Variants in ERC2 observed in about 807,000 individuals in gnomAD.
ERC2 encodes the protein ELKS/RAB6-interacting/CAST family member 2, also known as ERC protein 2.
A neutral mutation model predicts 114.8 loss-of-function variants in ERC2; 42 were observed. That is an observed-to-expected ratio of 0.37 (90% CI 0.29 to 0.47). The LOEUF is 0.47. Ranked by LOEUF, ERC2 falls within the 20% of genes least tolerant of loss-of-function variation. The pLI, the probability that ERC2 is intolerant of heterozygous loss-of-function variation, is 0.99. For missense variants in ERC2, 939 were observed against 1,150.7 expected (o/e 0.82, Z 2.66); for synonymous variants, 454 against 425.5 (o/e 1.07, Z -0.82).
rs1158633622 is a variant in ERC2, at chr3:55,508,928, T to TAA, written c.*2386_*2387dup. The TAA allele has an allele frequency of 3.3e-5, 5 of 152,590 alleles. No homozygotes were observed. The highest frequency in any genetic ancestry group is 7.3e-5 in the Non-Finnish European group (5 of 68,034). The allele number at this position is 152,590 out of a possible 1,614,324, so 9.5% of individuals were successfully genotyped here. On this transcript the variant is annotated 3_prime_UTR_variant, in exon 18 of 18. Coordinates refer to ENST00000288221, the MANE Select transcript of ERC2 (RefSeq NM_015576.3). ...ATGTTATGATTAGAAGAAAACCTGT[T>TAA]AAAGTTTGCGCAAAGGAAATAGCTT...
intron 10 of ERC2, among the ~76,000 whole-genome samples, chr3:56,005,847 A>G (rs1171560109): frequency 1.3e-5 from 2 of 152,102 alleles, no homozygotes; most frequent in African/African-American, 2.4e-5. Context: ...TCATCCCTTA[A>G]TATGCATATC....
chr3:55,564,667 G>T (rs1464549674), intron 17 of ERC2, among the ~76,000 whole-genome samples: 1 of 152,200 alleles, frequency 6.6e-6, no homozygotes, highest in Non-Finnish European at 1.5e-5. Context: ...ATAGCCATCT[G>T]TCTAAATTCT....
At chr3:56,313,403 C>T (rs904645948) in intron 2 of ERC2, among the ~76,000 whole-genome samples, 7 of 152,046 alleles carry the variant, frequency 4.6e-5, no homozygotes, top group African/African-American at 9.7e-5. Context: ...GAGAGCATTA[C>T]GGATGCCTTC....
chr3:55,628,074 T>C (rs2059592293), intron 17 of ERC2, among the ~76,000 whole-genome samples: 1 of 148,326 alleles, frequency 6.7e-6, no homozygotes, highest in Non-Finnish European at 1.5e-5. Context: ...TAATATCTTT[T>C]ATTGTAAAAA....
chr3:56,234,993 T>C (rs193075872), intron 3 of ERC2, among the ~76,000 whole-genome samples: 70 of 152,272 alleles, frequency 4.6e-4, no homozygotes, highest in African/African-American at 1.7e-3. Context: ...GATACAGACA[T>C]CATGACAAGT....
chr3:55,683,663 T>C, intron 17 of ERC2, 131 bp downstream of exon 17: 1 of 744,400 alleles, frequency 1.3e-6, no homozygotes, highest in South Asian at 1.9e-5. Context: ...GCGGACATTC[T>C]GCGCTCACAG....
intron 2 of ERC2, among the ~76,000 whole-genome samples, chr3:56,337,185 CTA>C (rs1415026316): frequency 2.6e-5 from 4 of 152,168 alleles, no homozygotes; most frequent in Non-Finnish European, 5.9e-5. Flanking sequence ...CCCATTTTTC[CTA>C]TGTTTCTTCC....
chr3:56,008,099 T>G (rs929198424), intron 9 of ERC2, among the ~76,000 whole-genome samples: 15 of 152,158 alleles, frequency 9.9e-5, no homozygotes, highest in African/African-American at 3.6e-4. Context: ...AATAGCAACA[T>G]CTAACTATGT....
chr3:55,569,510 G>A (rs2056580431), intron 17 of ERC2, among the ~76,000 whole-genome samples: 1 of 152,124 alleles, frequency 6.6e-6, no homozygotes, highest in African/African-American at 2.4e-5. Flanking sequence ...TTCTCTTTGA[G>A]GATATTCTTT....
chr3:56,038,379 T>G (rs2074936897), intron 7 of ERC2, among the ~76,000 whole-genome samples: 1 of 151,952 alleles, frequency 6.6e-6, no homozygotes, highest in Non-Finnish European at 1.5e-5. Flanking sequence ...AAAACCACAA[T>G]GAGATACTAT....
At chr3:55,952,678 G>A (rs2067663527) in intron 12 of ERC2, among the ~76,000 whole-genome samples, 1 of 152,140 alleles carries the variant, frequency 6.6e-6, no homozygotes, top group Admixed American at 6.5e-5. Flanking sequence ...AGAATACAGT[G>A]TTAAATAGAA....
chr3:55,633,881 A>G (rs1175948520), intron 17 of ERC2, among the ~76,000 whole-genome samples: 3 of 152,086 alleles, frequency 2.0e-5, no homozygotes, highest in African/African-American at 4.8e-5. Flanking sequence ...TTCGTTTCTC[A>G]TCACAAAACA....
At chr3:55,582,191 T>C (rs528415664) in intron 17 of ERC2, among the ~76,000 whole-genome samples, 252 of 152,342 alleles carry the variant, frequency 1.7e-3, no homozygotes, top group African/African-American at 5.9e-3. Flanking sequence ...ATCCTGCATG[T>C]ACTCTATCAT....
At chr3:55,922,334 C>A (rs1215593600) in intron 13 of ERC2, among the ~76,000 whole-genome samples, 2 of 151,794 alleles carry the variant, frequency 1.3e-5, no homozygotes, top group African/African-American at 2.4e-5. Context: ...AAGGCCTCCA[C>A]ACTGAAAAAA....
At chr3:56,163,500 C>T (rs11712407) in intron 4 of ERC2, among the ~76,000 whole-genome samples, 70,670 of 151,880 alleles carry the variant, frequency 0.47, 16,757 homozygotes, top group East Asian at 0.68. Context: ...GTGTTGCTGT[C>T]GAAGTCTTTT....
chr3:55,653,316 A>G (rs1394887510), intron 17 of ERC2, among the ~76,000 whole-genome samples: 1 of 152,206 alleles, frequency 6.6e-6, no homozygotes, highest in South Asian at 2.1e-4. Flanking sequence ...TTCAACAGGT[A>G]AGATAATAAA....
intron 14 of ERC2, among the ~76,000 whole-genome samples, chr3:55,796,210 C>T (rs867185539): frequency 4.0e-4 from 61 of 152,036 alleles, no homozygotes; most frequent in Middle Eastern, 3.4e-3. Context: ...CGGAACAGCA[C>T]GTGCAAAAGG....
chr3:55,844,071 T>C (rs2061250501), intron 14 of ERC2, among the ~76,000 whole-genome samples: 1 of 152,184 alleles, frequency 6.6e-6, no homozygotes, highest in Non-Finnish European at 1.5e-5. Context: ...AAATATTAAA[T>C]ACTGATATTT....
In ERC2 at chr3:56,040,580, C is replaced by CATATACATATACATGTATATGTAT. The variant is rs756308197; in HGVS notation, c.1642-21550_1642-21549insATACATATACATGTATATGTATAT. ...GTATATAGAGATGTATATATGTATA[C>CATATACATATACATGTATATGTAT]ATATACATATATATCTATATATGTA... On this transcript the variant is annotated intron_variant, in intron 7 of 17. Transcript: ENST00000288221. Among the ~76,000 whole-genome samples, 197 of 74,584 alleles carry CATATACATATACATGTATATGTAT rather than the reference C, an allele frequency of 2.6e-3. 19 individuals carry two copies. The highest frequency in any genetic ancestry group is 5.2e-3 in the African/African-American group (111 of 21,190). 48.9% of individuals were successfully genotyped at this position (74,584 alleles called of 152,430 possible).
Sources: gnomAD v4.1 joint callset for allele counts (sites outside exome capture counted in the v4.1 genomes callset) on GRCh38, gnomAD v4.1.1 for gene constraint, MANE v1.5 for transcripts, NCBI Gene and HGNC (gene_info 2026-07-23, HGNC 2026-07-21) for gene names.